Variants in LPO observed in about 807,000 individuals in gnomAD.
LPO encodes salivary peroxidase.
A neutral mutation model predicts 68.4 loss-of-function variants in LPO; 70 were observed. That is an observed-to-expected ratio of 1.02 (90% CI 0.84 to 1.25). The LOEUF is 1.25. LPO is among the 50% of genes most tolerant of loss of function. LPO has a pLI of 0.00. For synonymous variants in LPO, 360 were observed against 357.6 expected, an observed-to-expected ratio of 1.01 and a Z score of -0.08; for missense variants, 873 against 908.4, an observed-to-expected ratio of 0.96 and a Z score of 0.50.
intron 9 of LPO, among the ~76,000 whole-genome samples, chr17:58,256,962 G>C (rs185820660): frequency 3.7e-5 from 5 of 135,450 alleles, no homozygotes; most frequent in Non-Finnish European, 1.6e-5. Flanking sequence ...TAGTCACCCT[G>C]TTGTGCTATC....
chr17:58,246,933 G>A (rs2143894123), intron 3 of LPO, among the ~76,000 whole-genome samples: 1 of 152,270 alleles, frequency 6.6e-6, no homozygotes, highest in South Asian at 2.1e-4. Flanking sequence ...AGGAAACTGA[G>A]TACAAAGAGC....
rs1194999706 is a variant in LPO, at chr17:58,252,513, C to T, written c.1105+7C>T. On this transcript the variant is annotated splice_region_variant and intron_variant, in intron 8 of 12. Coordinates refer to ENST00000262290, the MANE Select transcript of LPO (RefSeq NM_006151.3). ...GTGCCCTGCTTCCTGGCAGGTGAGTCTAGCCTGGGAACAGAAGGGCCCAAG... is the reference window on the plus strand; with the variant it reads ...GTGCCCTGCTTCCTGGCAGGTGAGTTTAGCCTGGGAACAGAAGGGCCCAAG... 11 of 1,608,076 alleles carry T rather than the reference C, an allele frequency of 6.8e-6. No individual in the cohort carries two copies. Among genetic ancestry groups the T allele is most frequent in the Non-Finnish European group, 7.7e-6 (9 of 1,176,172 alleles).
chr17:58,242,916 G>A (rs1448082799), intron 1 of LPO, 62 bp from the exon 2 acceptor site: 10 of 1,458,748 alleles, frequency 6.9e-6, no homozygotes, highest in Non-Finnish European at 9.6e-6. Context: ...GCTTTCTGTG[G>A]TTCAAACCCT....
chr17:58,244,893 G>A (rs930853545), intron 3 of LPO, among the ~76,000 whole-genome samples: 8 of 152,224 alleles, frequency 5.3e-5, no homozygotes, highest in East Asian at 3.9e-4. Flanking sequence ...CTCCGATCCT[G>A]TACAGGGGCA....
chr17:58,261,640 G>T (rs1159931948), intron 9 of LPO, among the ~76,000 whole-genome samples: 3 of 151,622 alleles, frequency 2.0e-5, no homozygotes, highest in African/African-American at 7.3e-5. Flanking sequence ...ACATGTTAGG[G>T]ATTAAATCTC....
chr17:58,262,893 G>T (rs914464836), intron 9 of LPO, among the ~76,000 whole-genome samples: 1 of 152,098 alleles, frequency 6.6e-6, no homozygotes, highest in Non-Finnish European at 1.5e-5. Flanking sequence ...AAATTTTCAG[G>T]CATTATTTAT....
chr17:58,239,297 G>C (rs1452746759), intron 1 of LPO, among the ~76,000 whole-genome samples: 1 of 150,828 alleles, frequency 6.6e-6, no homozygotes, highest in Non-Finnish European at 1.5e-5. Flanking sequence ...AGTCCTAGCT[G>C]TCTTAAGTGC....
At chr17:58,257,298 C>A (rs1970091708) in intron 9 of LPO, among the ~76,000 whole-genome samples, 1 of 152,104 alleles carries the variant, frequency 6.6e-6, no homozygotes, top group Non-Finnish European at 1.5e-5. Context: ...CCTCATTACC[C>A]TTCCAGGGAT....
rs560084664 is a variant in LPO, at chr17:58,249,142, C to T, written c.408C>T (p.Ser136=). 9.9e-5 allele frequency: 160 copies of T among 1,614,204 alleles called. 3 individuals are homozygous for T. The South Asian group carries it at 1.6e-3, about 17-fold the overall frequency. The change falls in exon 5 of 13, where the codon AGC becomes AGT. Residue 136 remains serine, a synonymous_variant. Coordinates refer to ENST00000262290, the MANE Select transcript of LPO (RefSeq NM_006151.3). ...PAPVVRCDPC[S]PYRTITGDCN... is the part of the protein sequence containing the mutation. ...CCGTGGTGAGATGCGACCCGTGCAG[C>T]CCTTACCGCACCATTACGGGAGACT...
chr17:58,252,512 T>C lies in LPO; in HGVS notation c.1105+6T>C, dbSNP rs1304681890. On this transcript the variant is annotated splice_donor_region_variant and intron_variant, in intron 8 of 12. Transcript: ENST00000262290. ...TGTGCCCTGCTTCCTGGCAGGTGAG[T>C]CTAGCCTGGGAACAGAAGGGCCCAA... 6.2e-7 allele frequency: 1 copy of C among 1,608,296 alleles called. No homozygotes were observed. The highest frequency in any genetic ancestry group is 2.2e-5 in the East Asian group (1 of 44,740).
rs1172316318 is a variant in LPO at position 58,252,481 on chromosome 17, T to A, written c.1080T>A (p.Thr360=). 1.2e-6 allele frequency: 2 copies of A among 1,612,296 alleles called. No homozygotes were observed. Among genetic ancestry groups the A allele is most frequent in the South Asian group, 2.2e-5 (2 of 91,062 alleles). ...GCCCCTGTGAGTTCATCAACACCACTGCCCGTGTGCCCTGCTTCCTGGCAG... is the reference window on the plus strand; with the variant it reads ...GCCCCTGTGAGTTCATCAACACCACAGCCCGTGTGCCCTGCTTCCTGGCAG... The part of the protein sequence containing the change: ...KPSPCEFINT[T]ARVPCFLAGD... The change falls in exon 8 of 13, where the codon ACT becomes ACA. Residue 360 remains threonine, a synonymous_variant. Coordinates refer to ENST00000262290, the MANE Select transcript of LPO (RefSeq NM_006151.3).
chr17:58,239,363 C>T (rs1432620527), intron 1 of LPO, among the ~76,000 whole-genome samples: 3 of 151,298 alleles, frequency 2.0e-5, no homozygotes, highest in Non-Finnish European at 2.9e-5. Context: ...CGGTAGTAGG[C>T]AGGCTTCATT....
chr17:58,260,433 A>C (rs536207928), intron 9 of LPO, among the ~76,000 whole-genome samples: 1 of 152,278 alleles, frequency 6.6e-6, no homozygotes, highest in Non-Finnish European at 1.5e-5. Context: ...TACTATATTA[A>C]ATGCGCATGG....
intron 1 of LPO, among the ~76,000 whole-genome samples, chr17:58,241,045 C>T (rs1969745540): frequency 6.6e-6 from 1 of 151,288 alleles, no homozygotes; most frequent in East Asian, 1.9e-4. Context: ...CATTACAGTA[C>T]TGTAGAGTTT....
At chr17:58,259,909 G>A (rs141248034) in intron 9 of LPO, among the ~76,000 whole-genome samples, 4 of 152,118 alleles carry the variant, frequency 2.6e-5, no homozygotes, top group South Asian at 2.1e-4. Context: ...GCAACCTCCC[G>A]GGTTCAAGTG....
chr17:58,239,574 GC>G (rs1231342011), intron 1 of LPO, among the ~76,000 whole-genome samples: 2 of 151,868 alleles, frequency 1.3e-5, no homozygotes, highest in African/African-American at 4.8e-5. Context: ...TTTCCTATTG[GC>G]TCACTCCACC....
At chr17:58,242,773 A>G (rs1373316171) in intron 1 of LPO, 3 of 510,712 alleles carry the variant, frequency 5.9e-6, no homozygotes, top group Non-Finnish European at 1.0e-5. Flanking sequence ...CCCTTCCACC[A>G]TGTCTTCTCC....
chr17:58,244,649 C>A (rs8178298), intron 3 of LPO, among the ~76,000 whole-genome samples: 1 of 152,306 alleles, frequency 6.6e-6, no homozygotes, highest in Non-Finnish European at 1.5e-5. Context: ...CATCTTGGAG[C>A]GAGGGAGCAG....
At chr17:58,253,022 C>CAAAAAAAAAAAAAAAAAAAAAAAA (rs765890765) in intron 8 of LPO, among the ~76,000 whole-genome samples, 1 of 31,094 alleles carries the variant, frequency 3.2e-5, no homozygotes, top group Admixed American at 4.9e-4. Flanking sequence ...GACTCCATCT[C>CAAAAAAAAAAAAAAAAAAAAAAAA]AAAAAAAAAA....
Sources: allele counts gnomAD v4.1 joint callset (sites outside exome capture counted in the v4.1 genomes callset), GRCh38; gene constraint gnomAD v4.1.1; transcripts MANE v1.5; gene names NCBI Gene and HGNC (gene_info 2026-07-23, HGNC 2026-07-21).